STK32A: variants seen among roughly 807,000 people sequenced by gnomAD.
The protein encoded by STK32A is serine/threonine-protein kinase 32A.
STK32A carries 41 observed loss-of-function variants against 53.2 expected under a neutral mutation model. The ratio of observed to expected loss-of-function variants is 0.77; its 90% CI spans 0.60 to 1.00. The LOEUF is 1.00. Ranked by LOEUF, STK32A falls within the 50% of genes least tolerant of loss-of-function variation. STK32A has a pLI of 0.00. For synonymous variants in STK32A, 166 were observed against 162.8 expected (o/e 1.02, Z -0.15); for missense variants, 458 against 485.8 (o/e 0.94, Z 0.54).
At chr5:147,241,250 G>A (rs574172161) in intron 2 of STK32A, among the ~76,000 whole-genome samples, 11 of 152,242 alleles carry the variant, frequency 7.2e-5, no homozygotes, top group Non-Finnish European at 1.0e-4. Context: ...AGGCCGAGGC[G>A]GGCGGATCAC....
chr5:147,251,029 CAA>C (rs1377045603), intron 2 of STK32A, among the ~76,000 whole-genome samples: 1 of 149,520 alleles, frequency 6.7e-6, no homozygotes, highest in Admixed American at 6.7e-5. Flanking sequence ...GAGAAATAAA[CAA>C]AGAGATGATG....
intron 5 of STK32A, among the ~76,000 whole-genome samples, chr5:147,331,371 A>C (rs1561725858): frequency 6.6e-6 from 1 of 152,170 alleles, no homozygotes. Flanking sequence ...CAACTTGCCA[A>C]TATACAGTCA....
intron 5 of STK32A, among the ~76,000 whole-genome samples, chr5:147,325,354 T>C (rs1051018981): frequency 6.6e-6 from 1 of 152,004 alleles, no homozygotes; most frequent in African/African-American, 2.4e-5. Context: ...GGTTTCACCA[T>C]GTTGCCCAGT....
intron 11 of STK32A, among the ~76,000 whole-genome samples, chr5:147,379,660 T>C (rs540120505): frequency 6.6e-6 from 1 of 152,262 alleles, no homozygotes; most frequent in South Asian, 2.1e-4. Context: ...CTTTAAAGTA[T>C]AGAATCAACA....
At chr5:147,395,717 G>A in the STK32A span, 6 of 1,613,470 alleles carry the variant, frequency 3.7e-6, no homozygotes, top group Non-Finnish European at 5.1e-6. Flanking sequence ...ATGCAGGTCT[G>A]CCATCTGCAG....
the STK32A span, chr5:147,401,391 G>C: frequency 1.1e-6 from 1 of 885,416 alleles, no homozygotes; most frequent in Non-Finnish European, 1.6e-6. Context: ...TGCTTTCTAC[G>C]CTCAAGACTG....
intron 11 of STK32A, among the ~76,000 whole-genome samples, chr5:147,380,744 G>C (rs997801922): frequency 6.6e-6 from 1 of 152,170 alleles, no homozygotes; most frequent in Non-Finnish European, 1.5e-5. Context: ...CTGACTAAAA[G>C]AGAAAGATAC....
chr5:147,371,088 C>A (rs1297063940), intron 9 of STK32A, among the ~76,000 whole-genome samples: 1 of 152,140 alleles, frequency 6.6e-6, no homozygotes, highest in East Asian at 1.9e-4. Flanking sequence ...ACTCATTTGT[C>A]ATCTGCGTAT....
intron 8 of STK32A, among the ~76,000 whole-genome samples, chr5:147,368,801 C>T (rs1756883872): frequency 1.3e-5 from 2 of 151,964 alleles, no homozygotes; most frequent in Non-Finnish European, 2.9e-5. Context: ...GAAAAATGTA[C>T]ACACTTAAAC....
Position 147,240,708 on chromosome 5 carries a change from G to T in STK32A, c.52+1022G>T, listed in dbSNP as rs1014020222. ...AGAATGCAAGTTTGATTGCTGAAAT[G>T]AAAACTACAAATAACAGTGGCTTAA... On this transcript the variant is annotated intron_variant, in intron 2 of 12. Coordinates refer to ENST00000397936, the MANE Select transcript of STK32A (RefSeq NM_001112724.2). Among the ~76,000 whole-genome samples the T allele has an allele frequency of 1.1e-4, 17 of 152,314 alleles. No individual in the cohort carries two copies. In the South Asian group the frequency reaches 1.2e-3, roughly 11 times the overall value.
At chr5:147,254,015 T>C (rs1754115109) in intron 2 of STK32A, among the ~76,000 whole-genome samples, 1 of 152,124 alleles carries the variant, frequency 6.6e-6, no homozygotes, top group Non-Finnish European at 1.5e-5. Flanking sequence ...GAACCCTCTC[T>C]TCATAGATCT....
intron 5 of STK32A, among the ~76,000 whole-genome samples, chr5:147,338,927 T>A (rs1418919032): frequency 6.6e-6 from 1 of 152,334 alleles, no homozygotes; most frequent in Non-Finnish European, 1.5e-5. Flanking sequence ...TTAGAACTCA[T>A]GTTTTAAAGA....
intron 2 of STK32A, among the ~76,000 whole-genome samples, chr5:147,277,707 G>T (rs1401826420): frequency 6.6e-6 from 1 of 152,184 alleles, no homozygotes; most frequent in African/African-American, 2.4e-5. Context: ...GTCATTCTGT[G>T]CTCAGAGATG....
intron 2 of STK32A, among the ~76,000 whole-genome samples, chr5:147,275,412 C>G (rs1401260299): frequency 6.6e-6 from 1 of 152,004 alleles, no homozygotes; most frequent in Non-Finnish European, 1.5e-5. Flanking sequence ...ACTGCAGCCT[C>G]AACCTCTTAG....
chr5:147,392,016 G>A (rs1235821795), downstream of STK32A: 5 of 152,234 alleles, frequency 3.3e-5, no homozygotes, highest in South Asian at 2.1e-4. Context: ...GCTCAGAAGC[G>A]AGTTTATGTG....
chr5:147,358,730 G>C (rs1379167063), intron 7 of STK32A, among the ~76,000 whole-genome samples: 7 of 152,180 alleles, frequency 4.6e-5, no homozygotes, highest in Non-Finnish European at 1.5e-5. Context: ...TAGAATACAA[G>C]GCATAGATTT....
At chr5:147,336,118 C>T (rs1309929314) in intron 5 of STK32A, among the ~76,000 whole-genome samples, 7 of 152,132 alleles carry the variant, frequency 4.6e-5, no homozygotes, top group African/African-American at 1.4e-4. Context: ...TACTAATATA[C>T]TCATGCAACC....
intron 4 of STK32A, among the ~76,000 whole-genome samples, chr5:147,288,946 A>G (rs1752473018): frequency 6.6e-6 from 1 of 152,230 alleles, no homozygotes; most frequent in South Asian, 2.1e-4. Flanking sequence ...AGTACCCAGC[A>G]CATAGTAACA....
chr5:147,395,756 A>T, the STK32A span: 9 of 1,610,834 alleles, frequency 5.6e-6, no homozygotes, highest in Admixed American at 1.7e-5. Flanking sequence ...CCATTCATTC[A>T]TTCAGCATTT....
Sources: allele counts gnomAD v4.1 joint callset (sites outside exome capture counted in the v4.1 genomes callset), GRCh38; gene constraint gnomAD v4.1.1; transcripts MANE v1.5; gene names NCBI Gene and HGNC (gene_info 2026-07-23, HGNC 2026-07-21).